Variants in PEBP4 observed in about 807,000 individuals in gnomAD.
PEBP4 encodes the protein phosphatidylethanolamine binding protein 4.
In PEBP4, 22 loss-of-function variants were observed where a neutral mutation model predicts 23.9. The observed-to-expected ratio is 0.92, with a 90% CI of 0.66 to 1.31. The LOEUF (loss-of-function observed/expected upper bound fraction) is 1.31, where lower values mean the gene tolerates loss of function less well. Among genes scored for constraint, PEBP4 ranks in the 40% most tolerant of loss-of-function variants. The pLI, the probability that PEBP4 is intolerant of heterozygous loss-of-function variation, is 0.00. For missense variants in PEBP4, 324 were observed against 281.7 expected (o/e 1.15, Z -1.07); for synonymous variants, 112 against 99.3 (o/e 1.13, Z -0.76).
At chr8:22,886,920 C>G (rs1158286880) in intron 3 of PEBP4, 2 of 152,336 alleles carry the variant, frequency 1.3e-5, no homozygotes, top group Non-Finnish European at 2.9e-5. Flanking sequence ...CAGGGATCAC[C>G]CCAGGGTGGG....
intron 4 of PEBP4, among the ~76,000 whole-genome samples, chr8:22,801,043 T>A (rs925932868): frequency 2.0e-5 from 3 of 151,940 alleles, no homozygotes; most frequent in African/African-American, 4.8e-5. Context: ...AGGCTCTTAA[T>A]CCTAACCTTC....
intron 4 of PEBP4, 107 bp from the exon 5 acceptor site, chr8:22,727,327 A>G (rs1585238436): frequency 9.4e-7 from 1 of 1,066,680 alleles, no homozygotes; most frequent in African/African-American, 2.0e-5. Flanking sequence ...ATGGGAGAGG[A>G]AGGAGGATGG....
chr8:22,765,116 T>TTTCCTTCCTTCCTTC (rs560144016), intron 4 of PEBP4, among the ~76,000 whole-genome samples: 1 of 144,898 alleles, frequency 6.9e-6, no homozygotes, highest in African/African-American at 2.6e-5. Flanking sequence ...TTCCTTTATT[T>TTTCCTTCCTTCCTTC]CTTCCTTCCT....
At chr8:22,780,948 G>C (rs965175026) in intron 4 of PEBP4, among the ~76,000 whole-genome samples, 6 of 152,228 alleles carry the variant, frequency 3.9e-5, no homozygotes, top group Non-Finnish European at 7.3e-5. Context: ...TTGTGGGATA[G>C]ACACTATCTC....
intron 4 of PEBP4, 131 bp from the exon 5 acceptor site, chr8:22,727,351 A>G: frequency 1.1e-6 from 1 of 870,040 alleles, no homozygotes; most frequent in Non-Finnish European, 1.9e-6. Context: ...AAGAAGTAGG[A>G]TGGGAGAGGA....
At position 22,817,702 on chromosome 8, in the gene PEBP4, C is replaced by A. The variant is rs1806773348; in HGVS notation, c.292G>T (p.Asp98Tyr). The change falls in exon 4 of 7, where the codon GAT becomes TAT. Residue 98 changes from aspartate (D) to tyrosine (Y), a missense_variant. Asp to Tyr is a radical substitution (Grantham distance 160). Transcript: ENST00000256404. Reference sequence around the variant, plus strand: ...CTGGGTTCTGCTCTGCTAGGGGCATCTGGATCCACCATCACCAGGATATAG... The same window carrying A: ...CTGGGTTCTGCTCTGCTAGGGGCATATGGATCCACCATCACCAGGATATAG... ...ATYILVMVDP[D>Y]APSRAEPRQR... The A allele has an allele frequency of 5.6e-6, 9 of 1,614,246 alleles. No homozygotes were observed. Among genetic ancestry groups the A allele is most frequent in the Non-Finnish European group, 7.6e-6 (9 of 1,180,048 alleles).
intron 3 of PEBP4, among the ~76,000 whole-genome samples, chr8:22,908,478 T>G (rs900390033): frequency 4.6e-5 from 7 of 152,106 alleles, no homozygotes; most frequent in African/African-American, 1.7e-4. Context: ...GACTGAGGAT[T>G]GACCACTGGC....
chr8:22,919,042 C>T (rs1191006045), intron 3 of PEBP4, among the ~76,000 whole-genome samples: 1 of 152,192 alleles, frequency 6.6e-6, no homozygotes, highest in Non-Finnish European at 1.5e-5. Context: ...ACAACAGCCT[C>T]ATAACTTGCG....
At chr8:22,870,658 T>TA (rs1807989496) in intron 3 of PEBP4, among the ~76,000 whole-genome samples, 1 of 152,124 alleles carries the variant, frequency 6.6e-6, no homozygotes, top group Admixed American at 6.5e-5. Flanking sequence ...AGAATGTTGA[T>TA]AGTGAGTGGT....
chr8:22,756,884 G>A (rs1409662693), intron 4 of PEBP4: 1 of 152,254 alleles, frequency 6.6e-6, no homozygotes, highest in African/African-American at 2.4e-5. Context: ...CCCTGGCCCT[G>A]TGGGTCGCAG....
intron 3 of PEBP4, among the ~76,000 whole-genome samples, chr8:22,857,666 G>A (rs1385519884): frequency 6.6e-6 from 1 of 152,206 alleles, no homozygotes; most frequent in Non-Finnish European, 1.5e-5. Context: ...ATTCTGGTGG[G>A]ATGCAGAGTC....
intron 4 of PEBP4, among the ~76,000 whole-genome samples, chr8:22,734,295 A>G (rs1396439788): frequency 1.3e-5 from 2 of 152,138 alleles, no homozygotes; most frequent in Non-Finnish European, 2.9e-5. Context: ...ATTAACCCCA[A>G]TGGCCTTCTC....
intron 3 of PEBP4, among the ~76,000 whole-genome samples, chr8:22,918,574 A>G (rs2128780373): frequency 6.6e-6 from 1 of 152,278 alleles, no homozygotes; most frequent in African/African-American, 2.4e-5. Flanking sequence ...CTACACTGCC[A>G]TCTAGTGGAT....
At chr8:22,933,043 C>G (rs568665226) in intron 1 of PEBP4, among the ~76,000 whole-genome samples, 1 of 150,314 alleles carries the variant, frequency 6.7e-6, no homozygotes, top group East Asian at 2.0e-4. Flanking sequence ...CATTTTCTTT[C>G]TACCTTGTTC....
intron 4 of PEBP4, among the ~76,000 whole-genome samples, chr8:22,817,118 C>T (rs370552048): frequency 3.3e-5 from 5 of 152,178 alleles, no homozygotes; most frequent in African/African-American, 4.8e-5. Context: ...AGATGAGAGG[C>T]GGCCACTTGT....
chr8:22,926,977 C>T (rs1219240528), intron 2 of PEBP4, among the ~76,000 whole-genome samples: 1 of 152,156 alleles, frequency 6.6e-6, no homozygotes, highest in African/African-American at 2.4e-5. Context: ...GCTTGCTTTT[C>T]TAACCGGCAG....
At chr8:22,928,761 T>C (rs1809406058), upstream of PEBP4, among the ~76,000 whole-genome samples, 1 of 152,160 alleles carries the variant, frequency 6.6e-6, no homozygotes, top group African/African-American at 2.4e-5. Flanking sequence ...CCACTGTGTC[T>C]CCCTAGAATG....
At chr8:22,846,829 C>T (rs1378585922) in intron 3 of PEBP4, among the ~76,000 whole-genome samples, 1 of 152,070 alleles carries the variant, frequency 6.6e-6, no homozygotes, top group East Asian at 1.9e-4. Flanking sequence ...TAGAGATTGC[C>T]TGTGTAGAGA....
chr8:22,874,830 C>G (rs888444657), intron 3 of PEBP4, among the ~76,000 whole-genome samples: 1 of 152,034 alleles, frequency 6.6e-6, no homozygotes, highest in African/African-American at 2.4e-5. Context: ...TGAAAGATAC[C>G]ATTTCTTAGA....
Sources: allele counts gnomAD v4.1 joint callset (sites outside exome capture counted in the v4.1 genomes callset), GRCh38; gene constraint gnomAD v4.1.1; transcripts MANE v1.5; gene names NCBI Gene and HGNC (gene_info 2026-07-23, HGNC 2026-07-21).